FRMPD2: variants seen among roughly 807,000 people sequenced by gnomAD.
FRMPD2 encodes the protein FERM and PDZ domain containing 2.
In FRMPD2, 96 loss-of-function variants were observed where a neutral mutation model predicts 140.1. That is an observed-to-expected ratio of 0.69 (90% CI 0.58 to 0.81). The LOEUF (loss-of-function observed/expected upper bound fraction) is 0.81. FRMPD2 is among the 40% of genes least tolerant of loss of function. The pLI, the probability that FRMPD2 is intolerant of heterozygous loss-of-function variation, is 0.00. For missense variants in FRMPD2, 1,240 were observed against 1,447.4 expected (o/e 0.86, Z 2.32); for synonymous variants, 449 against 547.6 (o/e 0.82, Z 2.52).
intron 20 of FRMPD2, among the ~76,000 whole-genome samples, chr10:48,183,280 G>A (rs937271108): frequency 8.5e-5 from 13 of 152,082 alleles, no homozygotes; most frequent in Admixed American, 5.9e-4. Context: ...ATTTGCAGGC[G>A]GTCTGCTGTT....
chr10:48,245,650 C>T (rs189027948), intron 3 of FRMPD2, among the ~76,000 whole-genome samples: 10 of 152,292 alleles, frequency 6.6e-5, no homozygotes, highest in African/African-American at 2.2e-4. Context: ...AAGTCTTTTA[C>T]CCATATAAAC....
intron 2 of FRMPD2, among the ~76,000 whole-genome samples, chr10:48,250,063 A>T (rs1480461611): frequency 6.6e-6 from 1 of 150,648 alleles, no homozygotes; most frequent in Non-Finnish European, 1.5e-5. Context: ...TTGACATGTG[A>T]CCACCTTCTC....
intron 9 of FRMPD2, among the ~76,000 whole-genome samples, chr10:48,232,930 C>G (rs1839884351): frequency 6.6e-6 from 1 of 152,140 alleles, no homozygotes; most frequent in African/African-American, 2.4e-5. Flanking sequence ...CATCACCAGG[C>G]AGCCACCTGG....
chr10:48,206,873 T>C lies in FRMPD2; in HGVS notation c.1672A>G (p.Arg558Gly), dbSNP rs1426815774. 3.7e-6 allele frequency: 6 copies of C among 1,614,114 alleles called. No individual in the cohort carries two copies. Among genetic ancestry groups the C allele is most frequent in the Non-Finnish European group, 5.1e-6 (6 of 1,179,964 alleles). Residue 558 changes from arginine to glycine, a missense_variant, in exon 14 of 29, where the codon AGG becomes GGG. Arg to Gly is a moderately radical substitution (Grantham distance 125, BLOSUM62 -2). Transcript: ENST00000374201. The stretch of plus-strand genomic sequence containing the variant: ...CCCAGGGCCATCTCCTCTTCTGGCC[T>C]CCTCTTCTCTGAGAATACTTGGTGA... ...LVHQVFSEKR[R>G]PEEEMALGIC...
intron 1 of FRMPD2, among the ~76,000 whole-genome samples, chr10:48,256,263 G>T (rs111599605): frequency 3.3e-5 from 5 of 152,008 alleles, no homozygotes; most frequent in African/African-American, 7.2e-5. Flanking sequence ...CTAGACAGCT[G>T]CCCAGTCAAT....
chr10:48,269,334 G>A (rs1840729425), intron 1 of FRMPD2, among the ~76,000 whole-genome samples: 1 of 152,188 alleles, frequency 6.6e-6, no homozygotes, highest in Non-Finnish European at 1.5e-5. Flanking sequence ...CCAAGTCCCA[G>A]CAATGCCAAT....
At chr10:48,207,047 A>C in intron 13 of FRMPD2, 114 bp from the exon 14 acceptor site, 1 of 912,544 alleles carries the variant, frequency 1.1e-6, no homozygotes, top group Non-Finnish European at 1.6e-6. Flanking sequence ...AAGAAAGAGT[A>C]GAATTGTCAT....
chr10:48,233,763 C>T (rs1839905821), intron 9 of FRMPD2, among the ~76,000 whole-genome samples: 1 of 152,148 alleles, frequency 6.6e-6, no homozygotes, highest in Non-Finnish European at 1.5e-5. Context: ...ATCCCCATGC[C>T]TTGCCCAGCC....
chr10:48,189,735 C>T (rs768297724), intron 16 of FRMPD2, among the ~76,000 whole-genome samples: 19 of 152,200 alleles, frequency 1.2e-4, no homozygotes, highest in Non-Finnish European at 2.6e-4. Context: ...CTCTTCCTCT[C>T]ACGGTGCCCA....
At chr10:48,179,882 G>T (rs1312444402) in intron 21 of FRMPD2, among the ~76,000 whole-genome samples, 2 of 152,226 alleles carry the variant, frequency 1.3e-5, no homozygotes, top group African/African-American at 2.4e-5. Flanking sequence ...AGGATAGGTC[G>T]TGGGAGACCT....
intron 10 of FRMPD2, among the ~76,000 whole-genome samples, chr10:48,228,134 T>A (rs1314861102): frequency 3.9e-5 from 6 of 152,166 alleles, no homozygotes; most frequent in Non-Finnish European, 8.8e-5. Flanking sequence ...TGGTATTTTT[T>A]AATACTTGCC....
At chr10:48,233,241 G>A (rs114438599) in intron 9 of FRMPD2, among the ~76,000 whole-genome samples, 2,169 of 152,296 alleles carry the variant, frequency 0.014, 50 homozygotes, top group African/African-American at 0.048. Flanking sequence ...CCAGGGGCCA[G>A]AGCAGATCTG....
intron 9 of FRMPD2, among the ~76,000 whole-genome samples, chr10:48,232,588 T>C (rs920735451): frequency 2.0e-5 from 3 of 152,146 alleles, no homozygotes; most frequent in Non-Finnish European, 4.4e-5. Context: ...GTCTTTCCCA[T>C]GCGGAAATTC....
chr10:48,269,144 T>C (rs1281060561), intron 1 of FRMPD2, among the ~76,000 whole-genome samples: 1 of 152,220 alleles, frequency 6.6e-6, no homozygotes, highest in African/African-American at 2.4e-5. Context: ...GCTGTGTTTC[T>C]AGTAAATCAG....
intron 2 of FRMPD2, 89 bp downstream of exon 2, chr10:48,251,477 A>T (rs959970897): frequency 7.9e-6 from 12 of 1,525,190 alleles, no homozygotes; most frequent in African/African-American, 7.8e-5. Flanking sequence ...AGGTTGATTT[A>T]AAAAAGCAGC....
chr10:48,222,341 T>C lies in FRMPD2; in HGVS notation c.1427A>G (p.Gln476Arg), dbSNP rs1438523063. Residue 476 changes from glutamine to arginine, a missense_variant, in exon 12 of 29, where the codon CAG (glutamine) becomes CGG (arginine). Transcript: ENST00000374201. ...ILLQLGVLALQAEFGNYPKEQ... is the reference protein window; with the variant it reads ...ILLQLGVLALRAEFGNYPKEQ... ...CTTAGGGTAATTGCCAAACTCAGCCTGCAAGGCAAGGACCCCCAGCTGCAG... is the reference window on the plus strand; with the variant it reads ...CTTAGGGTAATTGCCAAACTCAGCCCGCAAGGCAAGGACCCCCAGCTGCAG... 1.9e-6 allele frequency: 3 copies of C among 1,614,138 alleles called. No homozygotes were observed. Among genetic ancestry groups the C allele is most frequent in the Non-Finnish European group, 1.7e-6 (2 of 1,179,990 alleles).
chr10:48,205,570 T>C (rs1839183589), intron 14 of FRMPD2, among the ~76,000 whole-genome samples: 1 of 152,250 alleles, frequency 6.6e-6, no homozygotes, highest in South Asian at 2.1e-4. Flanking sequence ...ATTAAATTCA[T>C]TAAACAAAGT....
At chr10:48,212,210 G>C in intron 12 of FRMPD2, 101 bp from the exon 13 acceptor site, 1 of 1,216,238 alleles carries the variant, frequency 8.2e-7, no homozygotes, top group Non-Finnish European at 1.2e-6. Context: ...CCAGGAGGGC[G>C]CCAGAGAAAG....
Position 48,240,402 on chromosome 10 carries a change from T to C in FRMPD2, c.658A>G (p.Ser220Gly). ...RKRLRGTSSE[S>G]PAAQAPECLH... ...CACTCCGGGGCCTGTGCCGCTGGGC[T>C]CTCGCTGCTTGTCCCACGCAGCCTC... Residue 220 changes from serine (S) to glycine (G), a missense_variant, in exon 6 of 29, where the codon AGC (serine) becomes GGC (glycine). Physicochemically the swap from Ser to Gly is moderately conservative, Grantham distance 56 (BLOSUM62 0). Transcript: ENST00000374201. 1 of 1,613,390 alleles carries C rather than the reference T, an allele frequency of 6.2e-7. No individual in the cohort carries two copies.
Sources: allele counts gnomAD v4.1 joint callset (sites outside exome capture counted in the v4.1 genomes callset), GRCh38; gene constraint gnomAD v4.1.1; transcripts MANE v1.5; gene names NCBI Gene and HGNC (gene_info 2026-07-23, HGNC 2026-07-21).